HPGD: variants seen among roughly 807,000 people sequenced by gnomAD.
HPGD encodes 15-hydroxyprostaglandin dehydrogenase [NAD(+)].
In HPGD, 29 loss-of-function variants were observed where a neutral mutation model predicts 30.0. The observed-to-expected ratio is 0.97, with a 90% CI of 0.72 to 1.32. HPGD has a LOEUF of 1.32. Ranked by LOEUF, HPGD falls within the 40% of genes most tolerant of loss-of-function variation. HPGD has a pLI of 0.00. For missense variants in HPGD, 340 were observed against 322.1 expected (o/e 1.06, Z -0.43); for synonymous variants, 99 against 112.4 (o/e 0.88, Z 0.75).
At position 174,496,273 on chromosome 4, in the gene HPGD, G is replaced by A. The variant is rs1734590586; in HGVS notation, c.422-649C>T. 2.6e-5 allele frequency among the ~76,000 whole-genome samples: 4 copies of A among 152,150 alleles called. No homozygotes were observed. The highest frequency in any genetic ancestry group is 4.1e-4 in the South Asian group (2 of 4,834). On this transcript the variant is annotated intron_variant, in intron 4 of 6. Coordinates refer to ENST00000296522, the MANE Select transcript of HPGD (RefSeq NM_000860.6). This position sits in a 1 kb window ranked among gnomAD's most constrained non-coding sequence, Gnocchi z 4.6. ...CTATTTTATTTCCTTTCATAATTAT[G>A]TAGTCAACTATGAAATTCAATCAAT...
At chr4:174,493,068 A>T in intron 6 of HPGD, 83 bp downstream of exon 6, 1 of 1,264,326 alleles carries the variant, frequency 7.9e-7, no homozygotes, top group Non-Finnish European at 1.1e-6. Flanking sequence ...CAACTGTATA[A>T]GCTTATTTCT....
At chr4:174,497,785 C>T (rs1379439986) in intron 4 of HPGD, among the ~76,000 whole-genome samples, 1 of 151,592 alleles carries the variant, frequency 6.6e-6, no homozygotes, top group African/African-American at 2.4e-5. Context: ...ACCATGTTGG[C>T]CAGGATGGTC....
chr4:174,493,843 A>G (rs2110771596), intron 5 of HPGD, among the ~76,000 whole-genome samples: 1 of 152,290 alleles, frequency 6.6e-6, no homozygotes, highest in Non-Finnish European at 1.5e-5. Context: ...AAATTAGTCA[A>G]TTCTCATTAT....
At chr4:174,510,876 A>C (rs1240534720) in intron 3 of HPGD, among the ~76,000 whole-genome samples, 1 of 152,128 alleles carries the variant, frequency 6.6e-6, no homozygotes, top group Non-Finnish European at 1.5e-5. Flanking sequence ...CCTGACCTCA[A>C]CTAATCCGCC....
intron 4 of HPGD, among the ~76,000 whole-genome samples, chr4:174,502,561 T>C (rs45543734): frequency 0.019 from 2,876 of 151,814 alleles, 87 homozygotes; most frequent in African/African-American, 0.066. Context: ...GCCTGTAGTC[T>C]CAGCTACTCA....
rs1381432226 is a variant in HPGD, at chr4:174,495,585, G to A, written c.461C>T (p.Ser154Leu). The stretch of plus-strand genomic sequence containing the variant: ...TGTGAATCCAACTATGCCATGCTTT[G>A]AAGCACAATAAACCGGCTGCTGTGC... ...PVAQQPVYCASKHGIVGFTRS... is the reference protein window; with the variant it reads ...PVAQQPVYCALKHGIVGFTRS... The change falls in exon 5 of 7, where the codon TCA (serine) becomes TTA (leucine). Residue 154 changes from serine to leucine, a missense_variant. Physicochemically the swap from Ser to Leu is moderately radical, Grantham distance 145 (BLOSUM62 -2). Transcript: ENST00000296522. 1 of 1,613,814 alleles carries A rather than the reference G, an allele frequency of 6.2e-7. No homozygotes were observed. Among genetic ancestry groups the A allele is most frequent in the Non-Finnish European group, 8.5e-7 (1 of 1,179,772 alleles).
intron 1 of HPGD, 115 bp downstream of exon 1, chr4:174,522,244 G>A (rs889364050): frequency 1.2e-5 from 17 of 1,376,156 alleles, no homozygotes; most frequent in Non-Finnish European, 1.7e-5. Context: ...TTTGGAAGTG[G>A]CAAAGTGGGC....
rs759074943 is a variant in HPGD, at chr4:174,521,934, CCT to C, written c.217+8_217+9del. 2.1e-5 allele frequency: 34 copies of C among 1,613,942 alleles called. No individual in the cohort carries two copies. The Admixed American group carries it at 5.5e-4, about 26-fold the overall frequency. ...CGTTCCCAGTTGACAGATTGATTCC[CCT>C]GTCTTACCTCTCAGTTGTTGCTGGT... On this transcript the variant is annotated splice_region_variant and intron_variant, in intron 2 of 6. Coordinates refer to ENST00000296522, the MANE Select transcript of HPGD (RefSeq NM_000860.6).
At chr4:174,517,777 A>C (rs570460338) in intron 3 of HPGD, among the ~76,000 whole-genome samples, 194 bp downstream of exon 3, 1 of 152,296 alleles carries the variant, frequency 6.6e-6, no homozygotes, top group South Asian at 2.1e-4. Context: ...CTAATATTTT[A>C]AGATAGACTT....
intron 4 of HPGD, among the ~76,000 whole-genome samples, chr4:174,497,568 C>CTTTTCT (rs1553998366): frequency 7.8e-5 from 4 of 51,112 alleles, no homozygotes; most frequent in South Asian, 8.3e-4. Flanking sequence ...CTTTTTCTTT[C>CTTTTCT]TTTTTTTTTT....
chr4:174,506,150 CAA>C (rs1735179160), intron 4 of HPGD, among the ~76,000 whole-genome samples: 2 of 152,090 alleles, frequency 1.3e-5, no homozygotes, highest in Admixed American at 6.6e-5. Flanking sequence ...GCCAACAAAG[CAA>C]AGTGGACATC....
rs954302037 is a variant in HPGD, at chr4:174,490,674, T to C, written c.*1282A>G. On this transcript the variant is annotated 3_prime_UTR_variant, in exon 7 of 7. Coordinates refer to ENST00000296522, the MANE Select transcript of HPGD (RefSeq NM_000860.6). The surrounding 1 kb of genome is among the most constrained non-coding windows in gnomAD (Gnocchi z 4.4). The stretch of plus-strand genomic sequence containing the variant: ...TAAAAGTGAAGGCAATTGTTTTCTA[T>C]AGCAGAATTAAAATAGGGCAAGATA... The C allele has an allele frequency of 6.6e-6, 1 of 152,366 alleles. No individual in the cohort carries two copies. The highest frequency in any genetic ancestry group is 1.5e-5 in the Non-Finnish European group (1 of 68,022). 9.4% of individuals were successfully genotyped at this position (152,366 alleles called of 1,614,324 possible).
intron 3 of HPGD, among the ~76,000 whole-genome samples, chr4:174,511,215 GAAA>G (rs34118686): frequency 2.1e-5 from 3 of 144,398 alleles, no homozygotes; most frequent in East Asian, 2.0e-4. Flanking sequence ...GTGCATTTCA[GAAA>G]AAAAAAAAAA....
Position 174,495,408 on chromosome 4 carries a change from CTT to C in HPGD, c.498+138_498+139del, listed in dbSNP as rs990682215. 5.8e-6 allele frequency: 4 copies of C among 694,746 alleles called. No individual in the cohort carries two copies. In the African/African-American group the frequency reaches 7.1e-5, roughly 12 times the overall value. 43.0% of individuals were successfully genotyped at this position (694,746 alleles called of 1,614,324 possible). A position where few individuals can be genotyped will look rare whatever the true frequency, so the allele number is the denominator to read the frequency against. ...TTTGGTTCTTTATGTGATCTGATAA[CTT>C]TTTATAATTGAGATGGAGGTATGTC... On this transcript the variant is annotated intron_variant, in intron 5 of 6. Transcript: ENST00000296522.
chr4:174,520,307 T>C (rs1319891467), intron 2 of HPGD, among the ~76,000 whole-genome samples: 1 of 152,248 alleles, frequency 6.6e-6, no homozygotes, highest in Non-Finnish European at 1.5e-5. Context: ...GTACTCTTTG[T>C]AACTTACCTA....
chr4:174,510,788 A>G (rs918069688), intron 3 of HPGD, among the ~76,000 whole-genome samples: 1 of 152,142 alleles, frequency 6.6e-6, no homozygotes, highest in African/African-American at 2.4e-5. Context: ...CGTAGTCCTT[A>G]TTCTAGATTA....
chr4:174,501,953 C>T (rs45493196), intron 4 of HPGD, among the ~76,000 whole-genome samples: 15,875 of 152,200 alleles, frequency 0.1, 988 homozygotes, highest in Middle Eastern at 0.13. Context: ...CATACTAAAT[C>T]CGCAAACAAG....
At chr4:174,499,950 A>G (rs1734823655) in intron 4 of HPGD, among the ~76,000 whole-genome samples, 3 of 147,726 alleles carry the variant, frequency 2.0e-5, no homozygotes, top group African/African-American at 7.5e-5. Context: ...GTCTCTCTCA[A>G]TCTTTGTATG....
intron 5 of HPGD, among the ~76,000 whole-genome samples, chr4:174,495,054 G>C (rs1734521141): frequency 6.6e-6 from 1 of 152,058 alleles, no homozygotes; most frequent in South Asian, 2.1e-4. Flanking sequence ...TGATCAATTA[G>C]GTCTAAAGTA....
Sources: allele counts gnomAD v4.1 joint callset (sites outside exome capture counted in the v4.1 genomes callset), GRCh38; gene constraint gnomAD v4.1.1; non-coding constraint Gnocchi (gnomAD v3.1); transcripts MANE v1.5; gene names NCBI Gene and HGNC (gene_info 2026-07-23, HGNC 2026-07-21).